TMEM178B: variants seen among roughly 807,000 people sequenced by gnomAD.
The protein encoded by TMEM178B is transmembrane protein 178B.
TMEM178B carries 5 observed loss-of-function variants against 31.0 expected under a neutral mutation model. The ratio of observed to expected loss-of-function variants is 0.16; its 90% CI spans 0.08 to 0.34. TMEM178B has a LOEUF of 0.34. Ranked by LOEUF, TMEM178B falls within the 10% of genes least tolerant of loss-of-function variation. TMEM178B has a pLI of 1.00. For synonymous variants in TMEM178B, 164 were observed against 164.0 expected, an observed-to-expected ratio of 1.00 and a Z score of 0.00; for missense variants, 275 against 400.3, an observed-to-expected ratio of 0.69 and a Z score of 2.67.
At chr7:141,209,719 G>A (rs1026770442) in intron 1 of TMEM178B, among the ~76,000 whole-genome samples, 1 of 152,312 alleles carries the variant, frequency 6.6e-6, no homozygotes, top group African/African-American at 2.4e-5. Context: ...TGGAACGCCT[G>A]CTGCTGGGGT....
intron 3 of TMEM178B, among the ~76,000 whole-genome samples, chr7:141,455,420 G>A (rs1349408997): frequency 1.3e-5 from 2 of 152,200 alleles, no homozygotes; most frequent in African/African-American, 2.4e-5. Flanking sequence ...ACTGTGTGTA[G>A]GGTCCTACTG....
chr7:141,484,848 C>T (rs1031072982), downstream of TMEM178B, among the ~76,000 whole-genome samples: 5 of 151,970 alleles, frequency 3.3e-5, no homozygotes, highest in African/African-American at 4.8e-5. This position sits in a 1 kb window ranked among gnomAD's most constrained non-coding sequence, Gnocchi z 4.8. Context: ...AGACGTGAGC[C>T]GGGCTCAGCT....
chr7:141,411,237 AG>A (rs1464888020), intron 2 of TMEM178B, among the ~76,000 whole-genome samples: 37 of 152,240 alleles, frequency 2.4e-4, no homozygotes, highest in African/African-American at 8.9e-4. Context: ...ATTTTAAAAA[AG>A]AAATTAGAAT....
chr7:141,448,953 A>G (rs998271783), intron 3 of TMEM178B, among the ~76,000 whole-genome samples: 37 of 152,134 alleles, frequency 2.4e-4, no homozygotes. Flanking sequence ...AAGAGGGGAC[A>G]GGGTAGATGA....
intron 1 of TMEM178B, among the ~76,000 whole-genome samples, chr7:141,138,125 C>T (rs1013788717): frequency 2.6e-5 from 4 of 151,440 alleles, no homozygotes; most frequent in Non-Finnish European, 2.9e-5. Context: ...GCAGTGGCGC[C>T]ATCTCGGCTC....
chr7:141,431,316 G>A (rs186949823), intron 2 of TMEM178B: 3 of 152,216 alleles, frequency 2.0e-5, no homozygotes, highest in East Asian at 3.9e-4. Flanking sequence ...GGTTTCCTGT[G>A]TAGAGTTGCA....
intron 2 of TMEM178B, among the ~76,000 whole-genome samples, chr7:141,316,144 G>A (rs1273262728): frequency 1.3e-5 from 2 of 152,128 alleles, no homozygotes; most frequent in Non-Finnish European, 2.9e-5. Context: ...GCTGCTAAAC[G>A]GGATTCAGGC....
At chr7:141,107,777 A>T (rs550779585) in intron 1 of TMEM178B, among the ~76,000 whole-genome samples, 1 of 152,338 alleles carries the variant, frequency 6.6e-6, no homozygotes, top group African/African-American at 2.4e-5. Context: ...GAGAGTTGTC[A>T]GCGTTGATGG....
chr7:141,106,085 C>CAAAA (rs3032870), intron 1 of TMEM178B, among the ~76,000 whole-genome samples: 9 of 122,842 alleles, frequency 7.3e-5, no homozygotes, highest in Non-Finnish European at 1.3e-4. Flanking sequence ...GACCCTGTCT[C>CAAAA]AAAAAAAAAA....
At chr7:141,430,104 G>A (rs1291701901) in intron 2 of TMEM178B, 6 of 152,208 alleles carry the variant, frequency 3.9e-5, no homozygotes, top group African/African-American at 9.7e-5. Context: ...TTTGGTCCTC[G>A]GAGGATAGGC....
rs1226071074 is a variant in TMEM178B at position 141,344,034 on chromosome 7, T to A, written c.497-93574T>A. Among the ~76,000 whole-genome samples the A allele has an allele frequency of 1.3e-5, 2 of 152,152 alleles. No homozygotes were observed. On this transcript the variant is annotated intron_variant, in intron 2 of 3. Transcript: ENST00000565468. This position sits in a 1 kb window ranked among gnomAD's most constrained non-coding sequence, Gnocchi z 4.1. ...CTGCAGAGGAAAGGACAGCTTGGAT[T>A]GTGACAGATTTTAAAATACGGAGTA...
At chr7:141,216,662 G>A (rs1310609785) in intron 2 of TMEM178B, among the ~76,000 whole-genome samples, 1 of 152,050 alleles carries the variant, frequency 6.6e-6, no homozygotes, top group Non-Finnish European at 1.5e-5. Context: ...GATTGCTGGT[G>A]GGTACTGTGG....
intron 1 of TMEM178B, among the ~76,000 whole-genome samples, chr7:141,164,129 T>C (rs895318046): frequency 5.9e-5 from 9 of 152,204 alleles, no homozygotes; most frequent in Admixed American, 4.6e-4. Flanking sequence ...ACATTTTCCT[T>C]TGTACAACAC....
intron 2 of TMEM178B, among the ~76,000 whole-genome samples, chr7:141,215,842 T>C (rs1212297478): frequency 1.4e-5 from 1 of 71,720 alleles, no homozygotes; most frequent in Non-Finnish European, 3.8e-5. Flanking sequence ...TTCTTTCTTT[T>C]CTTTTCTTTT....
At chr7:141,129,133 G>A (rs946959188) in intron 1 of TMEM178B, among the ~76,000 whole-genome samples, 2 of 152,202 alleles carry the variant, frequency 1.3e-5, no homozygotes, top group African/African-American at 4.8e-5. Context: ...ATGCCCTTGA[G>A]GGTACGGATT....
intron 2 of TMEM178B, among the ~76,000 whole-genome samples, chr7:141,332,419 G>A (rs1799314188): frequency 6.6e-6 from 1 of 152,180 alleles, no homozygotes; most frequent in Admixed American, 6.5e-5. Flanking sequence ...CTCCGTTGAA[G>A]AATTCTGTTC....
At chr7:141,192,362 G>A (rs1022358519) in intron 1 of TMEM178B, among the ~76,000 whole-genome samples, 2 of 152,152 alleles carry the variant, frequency 1.3e-5, no homozygotes, top group Non-Finnish European at 2.9e-5. Context: ...TGTACCTGGG[G>A]AAGGGAGAGG....
In TMEM178B at chr7:141,240,661, G is replaced by A. The variant is rs1300106011; in HGVS notation, c.496+27957G>A. Among the ~76,000 whole-genome samples the A allele has an allele frequency of 5.3e-5, 8 of 152,356 alleles. No homozygotes were observed. In the South Asian group the frequency reaches 1.7e-3, roughly 32 times the overall value. Reference sequence around the variant, plus strand: ...CCGAAGAGAACAGTATTATAAATGAGTTAGATCTCCTTTGCCTTTGGCAAA... The same window carrying A: ...CCGAAGAGAACAGTATTATAAATGAATTAGATCTCCTTTGCCTTTGGCAAA... On this transcript the variant is annotated intron_variant, in intron 2 of 3. Coordinates refer to ENST00000565468, the MANE Select transcript of TMEM178B (RefSeq NM_001195278.2).
At chr7:141,165,627 A>G (rs986420373) in intron 1 of TMEM178B, among the ~76,000 whole-genome samples, 4 of 152,004 alleles carry the variant, frequency 2.6e-5, no homozygotes, top group African/African-American at 9.7e-5. Context: ...ATTCAGCTCC[A>G]CCTCCTGGAA....
Sources: gnomAD v4.1 joint callset for allele counts (sites outside exome capture counted in the v4.1 genomes callset) on GRCh38, gnomAD v4.1.1 for gene constraint, Gnocchi (gnomAD v3.1) non-coding constraint, MANE v1.5 for transcripts, NCBI Gene and HGNC (gene_info 2026-07-23, HGNC 2026-07-21) for gene names.